Variants in SMARCA4 observed in about 807,000 individuals in gnomAD.
SMARCA4 encodes SWI/SNF-related matrix-associated actin-dependent regulator of chromatin subfamily A member 4.
Under a neutral mutation model 193.9 loss-of-function variants are expected in SMARCA4, and 31 were observed. The ratio of observed to expected loss-of-function variants is 0.16; its 90% confidence interval spans 0.12 to 0.22. The LOEUF (loss-of-function observed/expected upper bound fraction) is 0.22. SMARCA4 is among the 10% of genes least tolerant of loss of function. SMARCA4 has a pLI of 1.00. For missense variants in SMARCA4, 1,148 were observed against 2,296.0 expected, an observed-to-expected ratio of 0.50 and a Z score of 10.22; for synonymous variants, 942 against 933.1, an observed-to-expected ratio of 1.01 and a Z score of -0.17.
In SMARCA4 at chr19:10,996,549, G is replaced by A; in HGVS notation, c.1812+5G>A. The A allele has an allele frequency of 6.2e-7, 1 of 1,613,950 alleles. No homozygotes were observed. Among genetic ancestry groups the A allele is most frequent in the Non-Finnish European group, 8.5e-7 (1 of 1,179,804 alleles). The stretch of plus-strand genomic sequence containing the variant: ...GCCATTGGGCCGGATGGCGAGGTGA[G>A]GAAGCAGGGTTTCTTGTGGAAGTAT... On this transcript the variant is annotated splice_donor_5th_base_variant and intron_variant, in intron 11 of 34. Transcript: ENST00000344626.
chr19:10,973,383 G>A (rs1050152020), intron 1 of SMARCA4, among the ~76,000 whole-genome samples: 1 of 151,922 alleles, frequency 6.6e-6, no homozygotes, highest in African/African-American at 2.4e-5. Context: ...TAGGTCCCTT[G>A]GGTAGGTGCT....
At chr19:11,018,737 C>T (rs1281440217) in intron 16 of SMARCA4, 12 of 650,164 alleles carry the variant, frequency 1.8e-5, no homozygotes, top group Non-Finnish European at 3.4e-5. Context: ...GCCCTCTTTT[C>T]CCAGTGGCCT....
chr19:11,041,754 A>G lies in SMARCA4; in HGVS notation c.4424+194A>G, dbSNP rs1002639815. 2.0e-5 allele frequency among the ~76,000 whole-genome samples: 3 copies of G among 152,134 alleles called. No individual in the cohort carries two copies. The highest frequency in any genetic ancestry group is 1.3e-4 in the Admixed American group (2 of 15,280). On this transcript the variant is annotated intron_variant, in intron 30 of 34. Coordinates refer to ENST00000344626, the MANE Select transcript of SMARCA4 (RefSeq NM_003072.5). This position sits in a 1 kb window ranked among gnomAD's most constrained non-coding sequence, Gnocchi z 5.6. The stretch of plus-strand genomic sequence containing the variant: ...TTCTGGAACAGGGAAGCACACATGT[A>G]TCTGCGGTGATGAGAGGGAATGTCA...
At chr19:11,042,762 G>A (rs1211439207) in intron 30 of SMARCA4, among the ~76,000 whole-genome samples, 1 of 152,238 alleles carries the variant, frequency 6.6e-6, no homozygotes, top group Non-Finnish European at 1.5e-5. Flanking sequence ...TGAGGTGGGA[G>A]GATCACTTGA....
At chr19:11,036,050 C>A (rs1327018917) in intron 29 of SMARCA4, among the ~76,000 whole-genome samples, 1 of 152,252 alleles carries the variant, frequency 6.6e-6, no homozygotes, top group Non-Finnish European at 1.5e-5. Flanking sequence ...CCGGTTCCCT[C>A]CTGGGACCTC....
At chr19:10,977,136 G>T (rs933492049) in intron 1 of SMARCA4, among the ~76,000 whole-genome samples, 4 of 152,256 alleles carry the variant, frequency 2.6e-5, no homozygotes, top group Non-Finnish European at 5.9e-5. Flanking sequence ...GCCAGGGTGG[G>T]CGTGTCATGG....
chr19:11,028,070 G>A, intron 24 of SMARCA4, 120 bp downstream of exon 24: 1 of 1,030,246 alleles, frequency 9.7e-7, no homozygotes, highest in Non-Finnish European at 1.5e-6. Context: ...TGGGTCCAGT[G>A]GCCAGAGTGG....
intron 30 of SMARCA4, among the ~76,000 whole-genome samples, chr19:11,051,784 C>T (rs1010491335): frequency 5.3e-5 from 8 of 151,946 alleles, no homozygotes; most frequent in African/African-American, 9.7e-5. Flanking sequence ...CCACCATGTC[C>T]GGCCGGAAAT....
intron 1 of SMARCA4, among the ~76,000 whole-genome samples, chr19:10,977,174 G>C (rs1253760470): frequency 1.3e-5 from 2 of 152,232 alleles, no homozygotes; most frequent in African/African-American, 4.8e-5. Flanking sequence ...ATCGCACCTA[G>C]GGGTTTGCTG....
chr19:11,054,318 C>T (rs2076423559), intron 30 of SMARCA4, among the ~76,000 whole-genome samples: 1 of 152,190 alleles, frequency 6.6e-6, no homozygotes, highest in Admixed American at 6.5e-5. Flanking sequence ...CTGGTGTGTG[C>T]CCACCTCGGG....
rs1246276533 is a variant in SMARCA4 at position 10,985,191 on chromosome 19, AGCTTCTCTCGGGCAGC to A, written c.223-79_223-64del. The stretch of plus-strand genomic sequence containing the variant: ...CGGGTGGCTGTTCTCGGTGCCCTCG[AGCTTCTCTCGGGCAGC>A]GCATAGCTGCGCTGCCACCTCACGT... On this transcript the variant is annotated intron_variant, in intron 2 of 34. Transcript: ENST00000344626. This position sits in a 1 kb window ranked among gnomAD's most constrained non-coding sequence, Gnocchi z 4.5. 8.1e-6 allele frequency: 12 copies of A among 1,482,862 alleles called. No individual in the cohort carries two copies. The African/African-American group carries it at 1.7e-4, about 21-fold the overall frequency. The allele number at this position is 1,482,862 out of a possible 1,614,324, so 91.9% of individuals were successfully genotyped here. A position where few individuals can be genotyped will look rare whatever the true frequency, so the allele number is the denominator to read the frequency against.
intron 15 of SMARCA4, chr19:11,011,882 G>T (rs1295524748): frequency 6.6e-6 from 1 of 152,242 alleles, no homozygotes; most frequent in Non-Finnish European, 1.5e-5. Context: ...GTGGCCTAAG[G>T]AGGAGCGAAT....
intron 30 of SMARCA4, among the ~76,000 whole-genome samples, chr19:11,054,372 G>A (rs565084310): frequency 1.2e-4 from 18 of 152,348 alleles, no homozygotes; most frequent in Admixed American, 7.2e-4. Flanking sequence ...GGAGGCAGGA[G>A]GCCAGGCCAG....
chr19:11,049,005 AG>A (rs1395643064), intron 30 of SMARCA4, among the ~76,000 whole-genome samples: 1 of 152,158 alleles, frequency 6.6e-6, no homozygotes, highest in African/African-American at 2.4e-5. Flanking sequence ...CCTCCTGCTC[AG>A]GGGCCACAGT....
chr19:10,988,073 C>T lies in SMARCA4; in HGVS notation c.1118+149C>T. The stretch of plus-strand genomic sequence containing the variant: ...CTACACCTCCTTCCTCACCTCCCTG[C>T]TCCCACCCTGGCTGCGGTCTGTTTC... On this transcript the variant is annotated intron_variant, in intron 6 of 34. Transcript: ENST00000344626. 5.4e-6 allele frequency: 4 copies of T among 740,266 alleles called. No individual in the cohort carries two copies. The Admixed American group carries it at 7.1e-5, about 13-fold the overall frequency. The allele number at this position is 740,266 out of a possible 1,614,324, so 45.9% of individuals were successfully genotyped here.
At chr19:10,980,414 G>A (rs545730134) in intron 1 of SMARCA4, among the ~76,000 whole-genome samples, 2 of 152,158 alleles carry the variant, frequency 1.3e-5, no homozygotes, top group Non-Finnish European at 2.9e-5. Flanking sequence ...AGTTGGAGCC[G>A]TTCCTGGAGG....
At chr19:10,994,787 G>A (rs367551574) in intron 8 of SMARCA4, 41 bp from the exon 9 acceptor site, 25 of 1,578,704 alleles carry the variant, frequency 1.6e-5, no homozygotes, top group African/African-American at 2.7e-5. Flanking sequence ...TGTCCACCAT[G>A]CTGCTGAAGG....
intron 11 of SMARCA4, among the ~76,000 whole-genome samples, chr19:10,997,892 G>A (rs1048198657): frequency 3.3e-5 from 5 of 152,170 alleles, no homozygotes; most frequent in African/African-American, 4.8e-5. Context: ...CCGAGGTGAC[G>A]GACACAGGAG....
At position 11,027,491 on chromosome 19, in the gene SMARCA4, G is replaced by C. The variant is rs1029840; in HGVS notation, c.3216-293G>C. On this transcript the variant is annotated intron_variant, in intron 23 of 34. Coordinates refer to ENST00000344626, the MANE Select transcript of SMARCA4 (RefSeq NM_003072.5). ...CATCCCTGTTCCAGCCCCGTGTTGT[G>C]CCGGCCATGTGACTCACAGCTCCTC... Among the ~76,000 whole-genome samples the C allele has an allele frequency of 0.38, 58,005 of 152,072 alleles. 11,413 individuals are homozygous for C. Among genetic ancestry groups the C allele is most frequent in the East Asian group, 0.56 (2,921 of 5,170 alleles).
Sources: gnomAD v4.1 joint callset for allele counts (sites outside exome capture counted in the v4.1 genomes callset) on GRCh38, gnomAD v4.1.1 for gene constraint, Gnocchi (gnomAD v3.1) non-coding constraint, MANE v1.5 for transcripts, NCBI Gene and HGNC (gene_info 2026-07-23, HGNC 2026-07-21) for gene names.